The following INPP4B variants were observed in gnomAD, a reference collection of about 807,000 sequenced individuals.
The protein encoded by INPP4B is inositol polyphosphate 4-phosphatase type II.
A neutral mutation model predicts 122.5 loss-of-function variants in INPP4B; 55 were observed. The observed-to-expected ratio is 0.45, with a 90% confidence interval of 0.36 to 0.56. The LOEUF (loss-of-function observed/expected upper bound fraction) is 0.56. Ranked by LOEUF, INPP4B falls within the 20% of genes least tolerant of loss-of-function variation. The pLI is 0.00. For synonymous variants in INPP4B, 403 were observed against 388.7 expected, an observed-to-expected ratio of 1.04 and a Z score of -0.43; for missense variants, 1,000 against 1,097.7, an observed-to-expected ratio of 0.91 and a Z score of 1.26.
intron 5 of INPP4B, among the ~76,000 whole-genome samples, chr4:142,426,228 TA>T (rs1808027362): frequency 6.6e-6 from 1 of 152,004 alleles, no homozygotes; most frequent in Non-Finnish European, 1.5e-5. Context: ...AAGTAGTTCA[TA>T]GAAGTGTATT....
chr4:142,310,677 C>CTTTTT (rs58821770), intron 8 of INPP4B, among the ~76,000 whole-genome samples: 1 of 143,218 alleles, frequency 7.0e-6, no homozygotes, highest in Non-Finnish European at 1.5e-5. Flanking sequence ...AGCCCCAGTA[C>CTTTTT]TTTTTTTTTT....
chr4:142,102,337 C>T (rs1398304120), intron 23 of INPP4B, among the ~76,000 whole-genome samples: 2 of 151,894 alleles, frequency 1.3e-5, no homozygotes, highest in African/African-American at 4.8e-5. Flanking sequence ...CATGCACTCA[C>T]AGCTTTTACA....
At chr4:142,220,269 T>C (rs1848843829) in intron 12 of INPP4B, among the ~76,000 whole-genome samples, 1 of 152,194 alleles carries the variant, frequency 6.6e-6, no homozygotes, top group East Asian at 1.9e-4. Flanking sequence ...GGCTCCCACC[T>C]GAGGGACTCA....
At chr4:142,508,884 C>A (rs906032359) in intron 2 of INPP4B, among the ~76,000 whole-genome samples, 1 of 152,108 alleles carries the variant, frequency 6.6e-6, no homozygotes, top group Non-Finnish European at 1.5e-5. Context: ...AGGGCAGCCC[C>A]TCACTATGAA....
chr4:142,645,552 C>G (rs1431270350), intron 2 of INPP4B, among the ~76,000 whole-genome samples: 1 of 152,176 alleles, frequency 6.6e-6, no homozygotes, highest in Non-Finnish European at 1.5e-5. Context: ...TCTGTGCTAT[C>G]CACATCCTCT....
chr4:142,510,418 T>A (rs940607071), intron 2 of INPP4B, among the ~76,000 whole-genome samples: 1 of 152,230 alleles, frequency 6.6e-6, no homozygotes, highest in African/African-American at 2.4e-5. Flanking sequence ...AAAAAGAAGT[T>A]ATTATAGCAA....
intron 17 of INPP4B, among the ~76,000 whole-genome samples, chr4:142,150,269 G>C (rs12500835): frequency 0.12 from 17,540 of 152,090 alleles, 1,575 homozygotes; most frequent in African/African-American, 0.25. Context: ...GGAAGACAAC[G>C]GTAGCATAAG....
At chr4:142,029,344 A>AT (rs1738365570) in intron 25 of INPP4B, 3 of 984,802 alleles carry the variant, frequency 3.0e-6, no homozygotes, top group Non-Finnish European at 3.6e-6. Flanking sequence ...GGCCCTATAG[A>AT]TTTTTAAAGA....
At chr4:142,629,687 C>G (rs1392135221) in intron 2 of INPP4B, among the ~76,000 whole-genome samples, 6 of 152,072 alleles carry the variant, frequency 3.9e-5, no homozygotes, top group Non-Finnish European at 8.8e-5. Context: ...GAGAAGTTCA[C>G]TGTGACAAGA....
intron 2 of INPP4B, among the ~76,000 whole-genome samples, chr4:142,702,908 A>G (rs1459911089): frequency 6.6e-6 from 1 of 152,190 alleles, no homozygotes; most frequent in Non-Finnish European, 1.5e-5. Flanking sequence ...TGTTTTTATC[A>G]ACAAGTGCTA....
chr4:142,599,020 A>C (rs1739304948), intron 2 of INPP4B, among the ~76,000 whole-genome samples: 1 of 152,164 alleles, frequency 6.6e-6, no homozygotes, highest in Admixed American at 6.5e-5. Context: ...TTGCTGCCAC[A>C]GAGAGTGAGA....
chr4:142,428,964 A>G (rs1808704349), intron 5 of INPP4B, among the ~76,000 whole-genome samples: 2 of 151,980 alleles, frequency 1.3e-5, no homozygotes, highest in Admixed American at 1.3e-4. Context: ...AGGCAAAACT[A>G]TCATCACTGA....
intron 2 of INPP4B, among the ~76,000 whole-genome samples, chr4:142,473,776 C>T (rs1487114709): frequency 6.6e-6 from 1 of 152,068 alleles, no homozygotes; most frequent in East Asian, 1.9e-4. Context: ...GACTCCATGA[C>T]CCCCACAGAT....
chr4:142,335,665 A>T (rs1776328730), intron 7 of INPP4B, among the ~76,000 whole-genome samples: 1 of 152,248 alleles, frequency 6.6e-6, no homozygotes, highest in Admixed American at 6.5e-5. Flanking sequence ...AGATAGGCAG[A>T]GTCAATCATC....
intron 3 of INPP4B, among the ~76,000 whole-genome samples, chr4:142,441,860 A>C (rs576316435): frequency 6.6e-6 from 1 of 151,170 alleles, no homozygotes; most frequent in South Asian, 2.1e-4. Flanking sequence ...GCACATTTAA[A>C]TGCTGAAGTA....
At chr4:142,078,275 T>C (rs1374508463) in intron 25 of INPP4B, among the ~76,000 whole-genome samples, 1 of 152,048 alleles carries the variant, frequency 6.6e-6, no homozygotes, top group Admixed American at 6.6e-5. Context: ...TGAATTAGGA[T>C]AATATTTGCC....
intron 7 of INPP4B, among the ~76,000 whole-genome samples, chr4:142,375,499 GC>G (rs1791509225): frequency 6.6e-6 from 1 of 151,754 alleles, no homozygotes; most frequent in South Asian, 2.1e-4. Context: ...TTTCCAACCA[GC>G]TTTTTTGCAC....
chr4:142,305,410 T>C (rs1762965317), intron 9 of INPP4B, 48 bp downstream of exon 9: 5 of 1,383,162 alleles, frequency 3.6e-6, no homozygotes, highest in Non-Finnish European at 5.1e-6. Flanking sequence ...TCAATAAATA[T>C]CACTTGTTAT....
intron 1 of INPP4B, among the ~76,000 whole-genome samples, chr4:142,787,557 C>T (rs1157954723): frequency 1.3e-5 from 2 of 152,000 alleles, no homozygotes; most frequent in Non-Finnish European, 2.9e-5. Context: ...GTTGAGACAC[C>T]TATAAGCTGG....
Sources: gnomAD v4.1 joint callset for allele counts (sites outside exome capture counted in the v4.1 genomes callset) on GRCh38, gnomAD v4.1.1 for gene constraint, MANE v1.5 for transcripts, NCBI Gene and HGNC (gene_info 2026-07-23, HGNC 2026-07-21) for gene names.